Variants in GRTP1 observed in about 807,000 individuals in gnomAD.
GRTP1 encodes growth hormone regulated TBC protein 1, also known as growth hormone-regulated TBC protein 1.
Under a neutral mutation model 38.1 loss-of-function variants are expected in GRTP1, and 56 were observed. The observed-to-expected ratio is 1.47, with a 90% confidence interval of 1.19 to 1.84. The LOEUF (loss-of-function observed/expected upper bound fraction) is 1.84. GRTP1 is among the 40% of genes most tolerant of loss of function. GRTP1 has a pLI of 0.00. For synonymous variants in GRTP1, 217 were observed against 189.5 expected (o/e 1.14, Z -1.19); for missense variants, 506 against 453.9 (o/e 1.11, Z -1.04).
In GRTP1 at chr13:113,354,215, C is replaced by T. The variant is rs549916759; in HGVS notation, c.340+1108G>A. On this transcript the variant is annotated intron_variant, in intron 3 of 7. Transcript: ENST00000375431. ...CCCACCCTGAATCAGCGTTTCTGGC[C>T]GCCAGGCTGTGCACTGGAGACCTTT... Among the ~76,000 whole-genome samples the T allele has an allele frequency of 3.3e-5, 5 of 152,316 alleles. No homozygotes were observed. In the East Asian group the frequency reaches 5.8e-4, roughly 18 times the overall value.
At chr13:113,328,225 A>G (rs945507290) in intron 5 of GRTP1, among the ~76,000 whole-genome samples, 4 of 151,784 alleles carry the variant, frequency 2.6e-5, no homozygotes, top group Non-Finnish European at 5.9e-5. Context: ...ACCACCCAAC[A>G]CTGTGCATTC....
chr13:113,334,940 A>C (rs1009068813), intron 5 of GRTP1, among the ~76,000 whole-genome samples: 1 of 152,036 alleles, frequency 6.6e-6, no homozygotes, highest in Non-Finnish European at 1.5e-5. Flanking sequence ...CTTCTGCCTC[A>C]GCCTCCCGAG....
chr13:113,331,908 C>G (rs1367023254), intron 5 of GRTP1, among the ~76,000 whole-genome samples: 1 of 150,716 alleles, frequency 6.6e-6, no homozygotes, highest in Non-Finnish European at 1.5e-5. Flanking sequence ...CCACCCACCT[C>G]GGCCTCCCAA....
At chr13:113,357,250 G>T (rs111438492) in intron 2 of GRTP1, among the ~76,000 whole-genome samples, 4 of 99,658 alleles carry the variant, frequency 4.0e-5, no homozygotes, top group South Asian at 7.2e-4. Context: ...ATCGAGACCA[G>T]CCTGGCCAAC....
intron 4 of GRTP1, among the ~76,000 whole-genome samples, chr13:113,346,070 G>GTGGACAAGAGCAGATC (rs2043108286): frequency 1.1e-5 from 1 of 90,906 alleles, no homozygotes. Flanking sequence ...GAGGACCTCT[G>GTGGACAAGAGCAGATC]CGGCTGAGCA....
intron 5 of GRTP1, among the ~76,000 whole-genome samples, chr13:113,337,215 A>C (rs566678874): frequency 6.6e-6 from 1 of 152,192 alleles, no homozygotes; most frequent in Admixed American, 6.5e-5. Context: ...GATCACTTGA[A>C]CCCAGGAGGT....
intron 5 of GRTP1, among the ~76,000 whole-genome samples, chr13:113,327,748 C>G (rs968667687): frequency 6.6e-6 from 1 of 152,172 alleles, no homozygotes; most frequent in African/African-American, 2.4e-5. Context: ...GAGCACATAC[C>G]GTTCCAGCTG....
At chr13:113,360,525 G>C (rs1008520589) in intron 2 of GRTP1, among the ~76,000 whole-genome samples, 1 of 152,106 alleles carries the variant, frequency 6.6e-6, no homozygotes, top group Non-Finnish European at 1.5e-5. Flanking sequence ...GGAATAACTC[G>C]TCCACTCCAG....
chr13:113,336,310 T>TTTTG, intron 5 of GRTP1, among the ~76,000 whole-genome samples: 1 of 151,698 alleles, frequency 6.6e-6, no homozygotes, highest in East Asian at 1.9e-4. Flanking sequence ...TTTTTTTTTT[T>TTTTG]TTTTTAAGGC....
rs2042758478 is a variant in GRTP1, at chr13:113,325,918, C to G, written c.735+1G>C. 4 of 1,613,900 alleles carry G rather than the reference C, an allele frequency of 2.5e-6. No individual in the cohort carries two copies. Among genetic ancestry groups the G allele is most frequent in the Non-Finnish European group, 3.4e-6 (4 of 1,179,970 alleles). On this transcript the variant is annotated splice_donor_variant, in intron 6 of 7. Transcript: ENST00000375431. LOFTEE classifies it high-confidence loss of function. ...CCCCAGGGCCCGAGTGAGGCGCTCA[C>G]CTCCACGGGCAAGATGTCCACAAAC...
chr13:113,332,551 C>T (rs2042892767), intron 5 of GRTP1, among the ~76,000 whole-genome samples: 1 of 152,272 alleles, frequency 6.6e-6, no homozygotes. Context: ...AACAGTATGG[C>T]CACCTCGACA....
intron 2 of GRTP1, among the ~76,000 whole-genome samples, chr13:113,363,154 C>T (rs1178002946): frequency 6.6e-6 from 1 of 152,196 alleles, no homozygotes; most frequent in African/African-American, 2.4e-5. Context: ...GGCCGGTGCT[C>T]ACCGCAGCAG....
chr13:113,356,309 C>G (rs1364746311), intron 2 of GRTP1, among the ~76,000 whole-genome samples: 1 of 151,942 alleles, frequency 6.6e-6, no homozygotes, highest in Non-Finnish European at 1.5e-5. Context: ...GTTCTGTCGC[C>G]CAGGCTGGAG....
rs36152930 is a variant in GRTP1 at position 113,346,193 on chromosome 13, T to C, written c.466-1234A>G. Among the ~76,000 whole-genome samples the C allele has an allele frequency of 9.7e-3, 614 of 63,292 alleles. 4 individuals carry two copies. Among genetic ancestry groups the C allele is most frequent in the African/African-American group, 0.022 (261 of 11,734 alleles). 41.5% of individuals were successfully genotyped at this position (63,292 alleles called of 152,430 possible). Reference sequence around the variant, plus strand: ...GTGGACCCGGGAGGACCTCTGTGGCTGAGAGCAGACCCGGGAGGACCTCTG... The same window carrying C: ...GTGGACCCGGGAGGACCTCTGTGGCCGAGAGCAGACCCGGGAGGACCTCTG... On this transcript the variant is annotated intron_variant, in intron 4 of 7. Transcript: ENST00000375431.
rs368576070 is a variant in GRTP1 at position 113,350,990 on chromosome 13, A to C, written c.341-17T>G. On this transcript the variant is annotated splice_polypyrimidine_tract_variant and intron_variant, in intron 3 of 7. Transcript: ENST00000375431. ...GGTTCAGGTCTGTGGGAAATTCAGA[A>C]GGAATCACCCACGGGTTTCTGTTCC... 3.1e-6 allele frequency: 5 copies of C among 1,613,454 alleles called. No individual in the cohort carries two copies. The highest frequency in any genetic ancestry group is 4.2e-6 in the Non-Finnish European group (5 of 1,179,502).
chr13:113,330,154 C>G (rs910864351), intron 5 of GRTP1, among the ~76,000 whole-genome samples: 5 of 146,808 alleles, frequency 3.4e-5, no homozygotes, highest in Admixed American at 3.4e-4. Flanking sequence ...CATGGAAACT[C>G]AGGTGCGTGC....
At chr13:113,341,427 C>T (rs985014102) in intron 5 of GRTP1, among the ~76,000 whole-genome samples, 1 of 152,118 alleles carries the variant, frequency 6.6e-6, no homozygotes, top group Non-Finnish European at 1.5e-5. Flanking sequence ...CCACCACGCC[C>T]AGCTAATTTT....
At chr13:113,329,489 G>A (rs2042825887) in intron 5 of GRTP1, among the ~76,000 whole-genome samples, 1 of 152,200 alleles carries the variant, frequency 6.6e-6, no homozygotes, top group Admixed American at 6.5e-5. Context: ...AGGAGGCTGA[G>A]CAGGAGAATT....
rs199840231 is a variant in GRTP1 at position 113,325,808 on chromosome 13, G to C, written c.774C>G (p.Gly258=). Residue 258 remains glycine, a synonymous_variant, in exon 7 of 8, where the codon GGC becomes GGG. Transcript: ENST00000375431. ...LRIWDCLFNE[G]SKIIFRVALT... is the part of the protein sequence containing the mutation. ...GGGCCACCCGGAAGATAATCTTCGA[G>C]CCTTCGTTAAACAAACAGTCCCAGA... 1 of 1,614,058 alleles carries C rather than the reference G, an allele frequency of 6.2e-7. No individual in the cohort carries two copies. Among genetic ancestry groups the C allele is most frequent in the East Asian group, 2.2e-5 (1 of 44,844 alleles).
Sources: allele counts gnomAD v4.1 joint callset (sites outside exome capture counted in the v4.1 genomes callset), GRCh38; gene constraint gnomAD v4.1.1; transcripts MANE v1.5; gene names NCBI Gene and HGNC (gene_info 2026-07-23, HGNC 2026-07-21).